KCNA6: variants seen among roughly 807,000 people sequenced by gnomAD.
KCNA6 encodes the protein potassium voltage-gated channel subfamily A member 6.
Under a neutral mutation model 29.5 loss-of-function variants are expected in KCNA6, and 17 were observed. The ratio of observed to expected loss-of-function variants is 0.58; its 90% CI spans 0.39 to 0.86. KCNA6 has a LOEUF of 0.86. Ranked by LOEUF, KCNA6 falls within the 40% of genes least tolerant of loss-of-function variation. The pLI, the probability that KCNA6 is intolerant of heterozygous loss-of-function variation, is 0.00. For missense variants in KCNA6, 450 were observed against 703.4 expected (o/e 0.64, Z 4.07); for synonymous variants, 296 against 304.7 (o/e 0.97, Z 0.30).
the KCNA6 span, among the ~76,000 whole-genome samples, chr12:4,819,647 T>A: frequency 6.6e-6 from 1 of 152,222 alleles, no homozygotes; most frequent in Non-Finnish European, 1.5e-5. Context: ...ACGGGCCAGA[T>A]TGCTGTCTTC....
In KCNA6 at chr12:4,810,658, G is replaced by T. The variant is rs1010929967; in HGVS notation, c.617G>T (p.Gly206Val). The T allele has an allele frequency of 1.9e-6, 3 of 1,613,636 alleles. No homozygotes were observed. The highest frequency in any genetic ancestry group is 4.5e-5 in the East Asian group (2 of 44,828). ...CAGTTCCGTGTAGATGGTCGAGGTG[G>T]AAACAATGGTGGTGTGAGTCGAGTC... The change falls in exon 1 of 1, where the codon GGA becomes GTA. Residue 206 changes from glycine (G) to valine (V), a missense_variant. Transcript: ENST00000280684. The surrounding 1 kb of genome is among the most constrained non-coding windows in gnomAD (Gnocchi z 7.5).
At chr12:4,818,706 C>G in the KCNA6 span, among the ~76,000 whole-genome samples, 1 of 152,168 alleles carries the variant, frequency 6.6e-6, no homozygotes, top group Admixed American at 6.5e-5. Flanking sequence ...GAGGGTCTAA[C>G]TGTTATTGGG....
chr12:4,819,989 C>G, the KCNA6 span, among the ~76,000 whole-genome samples: 2 of 152,136 alleles, frequency 1.3e-5, no homozygotes, highest in Non-Finnish European at 2.9e-5. Context: ...GCAGAGAGAC[C>G]CTTAGAGACA....
the KCNA6 span, among the ~76,000 whole-genome samples, chr12:4,819,739 G>T: frequency 2.6e-5 from 4 of 152,358 alleles, no homozygotes; most frequent in Admixed American, 2.0e-4. Flanking sequence ...TGCCCTCATG[G>T]TTGAGGATTC....
chr12:4,837,175 G>A, the KCNA6 span, among the ~76,000 whole-genome samples: 7 of 152,182 alleles, frequency 4.6e-5, no homozygotes. Flanking sequence ...ACTCCAAAAA[G>A]GACTGGTTTC....
the KCNA6 span, among the ~76,000 whole-genome samples, chr12:4,824,278 G>A: frequency 6.6e-6 from 1 of 152,160 alleles, no homozygotes; most frequent in South Asian, 2.1e-4. Context: ...TTGTCCAAAC[G>A]TTAGATACAG....
At chr12:4,822,683 G>C in the KCNA6 span, among the ~76,000 whole-genome samples, 9 of 152,230 alleles carry the variant, frequency 5.9e-5, no homozygotes, top group African/African-American at 1.9e-4. Context: ...CTGTTTCTGT[G>C]ATGTCAGACT....
At chr12:4,823,758 CT>C in the KCNA6 span, among the ~76,000 whole-genome samples, 1 of 152,184 alleles carries the variant, frequency 6.6e-6, no homozygotes, top group Non-Finnish European at 1.5e-5. Context: ...CAGAGCGAGA[CT>C]CCATCTCAAA....
At chr12:4,840,687 C>T in the KCNA6 span, among the ~76,000 whole-genome samples, 10 of 152,328 alleles carry the variant, frequency 6.6e-5, no homozygotes, top group East Asian at 1.9e-3. Context: ...GTCAGTGGTA[C>T]ACACTGGGTC....
the KCNA6 span, among the ~76,000 whole-genome samples, chr12:4,845,477 C>T: frequency 5.3e-5 from 8 of 152,112 alleles, no homozygotes; most frequent in African/African-American, 1.2e-4. Flanking sequence ...CTGGATGCTC[C>T]GCAGTCACGT....
In KCNA6 at chr12:4,811,512, G is replaced by A; in HGVS notation, c.1471G>A (p.Ala491Thr). 1 of 1,614,162 alleles carries A rather than the reference G, an allele frequency of 6.2e-7. No homozygotes were observed. Among genetic ancestry groups the A allele is most frequent in the Non-Finnish European group, 8.5e-7 (1 of 1,180,024 alleles). ...TGGGCAGCCTGCGCCGGACCTGAGG[G>A]CAACTGACAACGGACTTGGCAAGCC... The change falls in exon 1 of 1, where the codon GCA (alanine) becomes ACA (threonine). Residue 491 changes from alanine (A) to threonine (T), a missense_variant. Ala to Thr is a moderately conservative substitution (Grantham distance 58). This residue lies in a region of KCNA6 where 56 missense variants were observed against 65.2 expected (regional missense o/e 0.86). Coordinates refer to ENST00000280684, the Ensembl canonical transcript of KCNA6. This position sits in a 1 kb window ranked among gnomAD's most constrained non-coding sequence, Gnocchi z 7.1.
the KCNA6 span, among the ~76,000 whole-genome samples, chr12:4,833,892 T>TCTC: frequency 6.9e-6 from 1 of 145,490 alleles, no homozygotes; most frequent in Non-Finnish European, 1.5e-5. Context: ...TTCTTCTTCT[T>TCTC]CTCCTTCTCC....
the KCNA6 span, among the ~76,000 whole-genome samples, chr12:4,849,917 G>GC: frequency 6.6e-6 from 1 of 152,228 alleles, no homozygotes; most frequent in East Asian, 1.9e-4. Flanking sequence ...ACGCTGGCTT[G>GC]CCCTTGGAGT....
chr12:4,829,822 CTCTT>C, the KCNA6 span, among the ~76,000 whole-genome samples: 3 of 152,180 alleles, frequency 2.0e-5, no homozygotes, highest in African/African-American at 7.2e-5. Flanking sequence ...TTTTACAACT[CTCTT>C]TCACCATTGA....
chr12:4,809,836 G>T, exon 1 of KCNA6: 1 of 530,520 alleles, frequency 1.9e-6, no homozygotes, highest in Non-Finnish European at 3.2e-6. Flanking sequence ...AATCCCCAGC[G>T]CCCAGGTCAC....
At chr12:4,818,440 G>A in the KCNA6 span, among the ~76,000 whole-genome samples, 2 of 152,148 alleles carry the variant, frequency 1.3e-5, no homozygotes, top group African/African-American at 4.8e-5. Flanking sequence ...TCTGTCAAAT[G>A]GAGGATAATA....
downstream of KCNA6, among the ~76,000 whole-genome samples, chr12:4,816,133 A>C (rs1018662962): frequency 6.6e-6 from 1 of 152,190 alleles, no homozygotes; most frequent in Non-Finnish European, 1.5e-5. Flanking sequence ...AGCATGTCTA[A>C]AAATGGACCA....
At chr12:4,809,635 G>A (rs987699090) in exon 1 of KCNA6, 3 of 170,886 alleles carry the variant, frequency 1.8e-5, no homozygotes, top group Non-Finnish European at 2.5e-5. Context: ...CTGGAGGAGC[G>A]CAGTGGGAAC....
chr12:4,827,233 T>A, the KCNA6 span, among the ~76,000 whole-genome samples: 1 of 141,198 alleles, frequency 7.1e-6, no homozygotes. Flanking sequence ...TCCTTCCTCC[T>A]TCCTTCCTTC....
Sources: gnomAD v4.1 joint callset for allele counts (sites outside exome capture counted in the v4.1 genomes callset) on GRCh38, gnomAD v4.1.1 for gene constraint, gnomAD v4.1.1 regional missense constraint, Gnocchi (gnomAD v3.1) non-coding constraint, MANE v1.5 for transcripts, NCBI Gene and HGNC (gene_info 2026-07-23, HGNC 2026-07-21) for gene names.